The following PUM2 variants were observed in gnomAD, a reference collection of about 807,000 sequenced individuals.
The protein encoded by PUM2 is pumilio RNA binding family member 2.
In PUM2, 57 loss-of-function variants were observed where a neutral mutation model predicts 124.5. The ratio of observed to expected loss-of-function variants is 0.46; its 90% CI spans 0.37 to 0.57. The LOEUF is 0.57. Among genes scored for constraint, PUM2 ranks in the 20% least tolerant of loss-of-function variants. The pLI is 0.00. For synonymous variants in PUM2, 460 were observed against 446.1 expected, an observed-to-expected ratio of 1.03 and a Z score of -0.39; for missense variants, 1,065 against 1,290.6, an observed-to-expected ratio of 0.83 and a Z score of 2.68.
chr2:20,292,715 G>C (rs1469559257), intron 9 of PUM2, among the ~76,000 whole-genome samples: 1 of 152,178 alleles, frequency 6.6e-6, no homozygotes, highest in African/African-American at 2.4e-5. Flanking sequence ...CGGATCACCT[G>C]AGGTCGGGAG....
chr2:20,315,243 T>C (rs1041891660), intron 3 of PUM2, among the ~76,000 whole-genome samples: 1 of 151,934 alleles, frequency 6.6e-6, no homozygotes, highest in African/African-American at 2.4e-5. Flanking sequence ...GTGAGAGTGA[T>C]AGGACATTTC....
At chr2:20,323,086 T>C (rs1200990740) in intron 2 of PUM2, among the ~76,000 whole-genome samples, 1 of 152,138 alleles carries the variant, frequency 6.6e-6, no homozygotes, top group Non-Finnish European at 1.5e-5. Context: ...CAAGTACTAT[T>C]ATGTGGCCTT....
At chr2:20,301,030 C>CGGCT (rs1676844531) in intron 7 of PUM2, among the ~76,000 whole-genome samples, 1 of 152,214 alleles carries the variant, frequency 6.6e-6, no homozygotes, top group African/African-American at 2.4e-5. Context: ...TACCTATGAC[C>CGGCT]TGGTAGCCCC....
intron 1 of PUM2, among the ~76,000 whole-genome samples, chr2:20,340,569 A>G (rs1178418305): frequency 6.6e-6 from 1 of 152,226 alleles, no homozygotes; most frequent in Non-Finnish European, 1.5e-5. Context: ...AGGATTTTAT[A>G]AACTACAGTT....
rs149812578 is a variant in PUM2, at chr2:20,309,955, C to T, written c.519-1371G>A. On this transcript the variant is annotated intron_variant, in intron 5 of 20. Transcript: ENST00000361078. ...AGCCACACCTAATTTTGTACGTGAA[C>T]ATCCCAAAGGCTCTTTTTTCATTTG... Among the ~76,000 whole-genome samples the T allele has an allele frequency of 1.3e-4, 20 of 152,152 alleles. No individual in the cohort carries two copies. In the East Asian group the frequency reaches 3.1e-3, roughly 23 times the overall value.
intron 1 of PUM2, among the ~76,000 whole-genome samples, chr2:20,333,641 G>A (rs1294731211): frequency 6.6e-6 from 1 of 152,092 alleles, no homozygotes; most frequent in Non-Finnish European, 1.5e-5. Flanking sequence ...GGCTAGGCAT[G>A]ATGGTTCACG....
chr2:20,311,576 G>A lies in PUM2; in HGVS notation c.436C>T (p.Leu146Phe). Residue 146 changes from leucine to phenylalanine, a missense_variant, in exon 5 of 21, where the codon CTT becomes TTT. Leu to Phe is a conservative substitution (Grantham distance 22). Coordinates refer to ENST00000361078, the MANE Select transcript of PUM2 (RefSeq NM_015317.5). ...SPFEEDQNRD[L>F]KQGDDDDSKI... ...GAATCATCATCATCTCCTTGTTTAA[G>A]ATCTCTGTTTTGGTCCTCCTCAAAT... The A allele has an allele frequency of 6.2e-7, 1 of 1,613,326 alleles. No individual in the cohort carries two copies. Among genetic ancestry groups the A allele is most frequent in the Non-Finnish European group, 8.5e-7 (1 of 1,179,574 alleles).
At chr2:20,265,921 A>C (rs1667539175) in intron 13 of PUM2, among the ~76,000 whole-genome samples, 1 of 152,200 alleles carries the variant, frequency 6.6e-6, no homozygotes, top group Non-Finnish European at 1.5e-5. Context: ...TACTCACCCC[A>C]GGAAATGAAG....
At chr2:20,308,241 A>C in intron 6 of PUM2, 73 bp downstream of exon 6, 2 of 1,527,376 alleles carry the variant, frequency 1.3e-6, no homozygotes, top group Non-Finnish European at 1.8e-6. Context: ...ATTCTTTTCA[A>C]TGCCACATAG....
At chr2:20,266,722 C>G (rs1667745103) in intron 13 of PUM2, among the ~76,000 whole-genome samples, 1 of 151,986 alleles carries the variant, frequency 6.6e-6, no homozygotes. Context: ...CAGGCCTATA[C>G]CCTTTAAAAA....
chr2:20,259,153 A>T (rs1665578349), intron 15 of PUM2, among the ~76,000 whole-genome samples: 1 of 152,230 alleles, frequency 6.6e-6, no homozygotes, highest in Non-Finnish European at 1.5e-5. Context: ...ACATCTATAA[A>T]TCCAAAGACT....
chr2:20,293,743 A>G (rs904269565), intron 9 of PUM2, among the ~76,000 whole-genome samples: 1 of 152,156 alleles, frequency 6.6e-6, no homozygotes, highest in East Asian at 1.9e-4. Context: ...AAAATATATT[A>G]AAGGAAATTC....
rs1665934233 is a variant in PUM2 at position 20,260,569 on chromosome 2, A to T, written c.2226-103T>A. ...TGCACTGCAAGTTATTTCCATAAAT[A>T]TTACCATACTTTATATAGTAGACAG... On this transcript the variant is annotated intron_variant, in intron 14 of 20. Coordinates refer to ENST00000361078, the MANE Select transcript of PUM2 (RefSeq NM_015317.5). The T allele has an allele frequency of 5.7e-6, 6 of 1,052,870 alleles. No individual in the cohort carries two copies. The South Asian group carries it at 1.2e-4, about 21-fold the overall frequency. The allele number at this position is 1,052,870 out of a possible 1,614,324, so 65.2% of individuals were successfully genotyped here.
At chr2:20,327,217 T>A in intron 2 of PUM2, 93 bp downstream of exon 2, 1 of 840,714 alleles carries the variant, frequency 1.2e-6, no homozygotes, top group Non-Finnish European at 2.0e-6. Flanking sequence ...ATGACCACTA[T>A]TTCCAGGAAG....
intron 7 of PUM2, among the ~76,000 whole-genome samples, chr2:20,302,959 T>C (rs1677350295): frequency 6.6e-6 from 1 of 152,190 alleles, no homozygotes; most frequent in African/African-American, 2.4e-5. Flanking sequence ...TCCCGCAATT[T>C]GCACATGCGA....
intron 14 of PUM2, among the ~76,000 whole-genome samples, chr2:20,261,097 A>C (rs576152696): frequency 9.9e-5 from 15 of 152,162 alleles, no homozygotes; most frequent in Non-Finnish European, 1.8e-4. Flanking sequence ...TCAGTTTATA[A>C]AAGTATAGTA....
At chr2:20,351,495 G>C (rs1689336105), upstream of PUM2, among the ~76,000 whole-genome samples, 1 of 152,224 alleles carries the variant, frequency 6.6e-6, no homozygotes, top group Non-Finnish European at 1.5e-5. Flanking sequence ...AGGAAACTCA[G>C]GTCGTTCTCC....
chr2:20,311,578 T>A lies in PUM2; in HGVS notation c.434A>T (p.Asp145Val), dbSNP rs764989548. ...ASPFEEDQNRDLKQGDDDDSK... is the reference protein window; with the variant it reads ...ASPFEEDQNRVLKQGDDDDSK... ...ATCATCATCATCTCCTTGTTTAAGA[T>A]CTCTGTTTTGGTCCTCCTCAAATGG... Residue 145 changes from aspartate (D) to valine (V), a missense_variant, in exon 5 of 21, where the codon GAT (aspartate) becomes GTT (valine). This residue lies in a region of PUM2 where 968 missense variants were observed against 1,159.8 expected (regional missense o/e 0.83). Transcript: ENST00000361078. 7 of 1,613,564 alleles carry A rather than the reference T, an allele frequency of 4.3e-6. No individual in the cohort carries two copies. Among genetic ancestry groups the A allele is most frequent in the Non-Finnish European group, 5.9e-6 (7 of 1,179,642 alleles).
At chr2:20,322,262 TG>T (rs1163511945) in intron 2 of PUM2, among the ~76,000 whole-genome samples, 1 of 152,040 alleles carries the variant, frequency 6.6e-6, no homozygotes, top group African/African-American at 2.4e-5. Context: ...CTACTTATAA[TG>T]GAAGTTCAAA....
Sources: gnomAD v4.1 joint callset for allele counts (sites outside exome capture counted in the v4.1 genomes callset) on GRCh38, gnomAD v4.1.1 for gene constraint, gnomAD v4.1.1 regional missense constraint, MANE v1.5 for transcripts, NCBI Gene and HGNC (gene_info 2026-07-23, HGNC 2026-07-21) for gene names.